Variants in EZR observed in about 807,000 individuals in gnomAD.
EZR encodes ezrin.
EZR carries 40 observed loss-of-function variants against 74.8 expected under a neutral mutation model. The ratio of observed to expected loss-of-function variants is 0.53; its 90% confidence interval spans 0.42 to 0.70. EZR has a LOEUF of 0.70. Among genes scored for constraint, EZR ranks in the 30% least tolerant of loss-of-function variants. The probability of loss-of-function intolerance (pLI) is 0.00; values close to 1 mark genes in which losing one functional copy is unlikely to be tolerated. For synonymous variants in EZR, 341 were observed against 283.3 expected, an observed-to-expected ratio of 1.20 and a Z score of -2.05; for missense variants, 678 against 755.8, an observed-to-expected ratio of 0.90 and a Z score of 1.21.
rs773540978 is a variant in EZR at position 158,766,937 on chromosome 6, T to C, written c.1738A>G (p.Ile580Val). The C allele has an allele frequency of 6.3e-5, 101 of 1,614,048 alleles. No individual in the cohort carries two copies. The highest frequency in any genetic ancestry group is 1.6e-4 in the Middle Eastern group (1 of 6,084). ...QIRQGNTKQRIDEFEAL is the reference protein window; with the variant it reads ...QIRQGNTKQRVDEFEAL ...TGTTACAGGGCCTCGAACTCGTCGA[T>C]GCGCTGCTTGGTGTTGCCCTGCCGG... The change falls in exon 14 of 14, where the codon ATC becomes GTC. Residue 580 changes from isoleucine (I) to valine (V), a missense_variant. Ile to Val is a conservative substitution (Grantham distance 29). Coordinates refer to ENST00000367075, the MANE Select transcript of EZR (RefSeq NM_001111077.2).
chr6:158,808,163 T>C (rs973689910), intron 2 of EZR, among the ~76,000 whole-genome samples: 1 of 152,144 alleles, frequency 6.6e-6, no homozygotes, highest in African/African-American at 2.4e-5. Flanking sequence ...AGCTAAGGAA[T>C]CCTAGTGGCC....
intron 8 of EZR, among the ~76,000 whole-genome samples, chr6:158,773,108 T>C (rs1583558171): frequency 6.6e-6 from 1 of 152,174 alleles, no homozygotes; most frequent in African/African-American, 2.4e-5. Flanking sequence ...CAATCCTGCA[T>C]TACAGCTTTG....
chr6:158,786,716 T>C (rs1418674855), intron 4 of EZR, among the ~76,000 whole-genome samples: 2 of 152,242 alleles, frequency 1.3e-5, no homozygotes, highest in African/African-American at 2.4e-5. Flanking sequence ...TTACTACTTT[T>C]CTTTTTGGTT....
Position 158,787,052 on chromosome 6 carries a change from C to G in EZR, c.192+56G>C. 5 of 1,383,588 alleles carry G rather than the reference C, an allele frequency of 3.6e-6. No homozygotes were observed. In the Admixed American group the frequency reaches 5.3e-5, roughly 15 times the overall value. 85.7% of individuals were successfully genotyped at this position (1,383,588 alleles called of 1,614,324 possible). On this transcript the variant is annotated intron_variant, in intron 4 of 13. Coordinates refer to ENST00000367075, the MANE Select transcript of EZR (RefSeq NM_001111077.2). Reference sequence around the variant, plus strand: ...GGGTGAGTTGCTCCAGTTTCCTTATCGATGAAGCAGACCAACACCCAATCC... The same window carrying G: ...GGGTGAGTTGCTCCAGTTTCCTTATGGATGAAGCAGACCAACACCCAATCC...
intron 7 of EZR, among the ~76,000 whole-genome samples, chr6:158,777,312 T>TCA (rs1791307665): frequency 6.6e-6 from 1 of 152,226 alleles, no homozygotes; most frequent in African/African-American, 2.4e-5. Context: ...TCTTCCCATG[T>TCA]CACTCTCCAA....
chr6:158,776,543 C>G, intron 7 of EZR, 39 bp from the exon 8 acceptor site: 1 of 1,424,588 alleles, frequency 7.0e-7, no homozygotes, highest in Non-Finnish European at 9.7e-7. Flanking sequence ...TAGATGTATA[C>G]ATATGTTCTT....
chr6:158,818,317 G>A (rs1777608772), intron 1 of EZR, 151 bp from the exon 2 acceptor site: 6 of 293,178 alleles, frequency 2.0e-5, no homozygotes, highest in Non-Finnish European at 3.1e-5. Context: ...CTGCGGGCAT[G>A]GGGAGGGGGC....
intron 3 of EZR, 45 bp downstream of exon 3, chr6:158,789,243 G>GTT: frequency 1.4e-6 from 2 of 1,435,810 alleles, no homozygotes; most frequent in African/African-American, 1.4e-5. Context: ...TTGCAAAACA[G>GTT]TTTTTTTTTG....
rs1374286360 is a variant in EZR, at chr6:158,766,309, AAAAC to A, written c.*601_*604del. The stretch of plus-strand genomic sequence containing the variant: ...CTAAAACTGTTAAGCAAAAAAAAAA[AAAAC>A]AAAAAAAAAAATCCAAGTGTCCTCC... On this transcript the variant is annotated 3_prime_UTR_variant, in exon 14 of 14. Transcript: ENST00000367075. The A allele has an allele frequency of 6.8e-4, 79 of 116,416 alleles. No homozygotes were observed. Among genetic ancestry groups the A allele is most frequent in the East Asian group, 1.4e-3 (7 of 5,062 alleles). The allele number at this position is 116,416 out of a possible 1,614,324, so 7.2% of individuals were successfully genotyped here.
chr6:158,818,059 G>A (rs780835190), intron 2 of EZR, 23 bp downstream of exon 2: 4 of 1,606,958 alleles, frequency 2.5e-6, no homozygotes, highest in Admixed American at 3.3e-5. Context: ...CCGTCCGCCC[G>A]GCCCAGAAAC....
At chr6:158,771,912 G>A (rs1791122892) in intron 8 of EZR, among the ~76,000 whole-genome samples, 1 of 152,040 alleles carries the variant, frequency 6.6e-6, no homozygotes, top group South Asian at 2.1e-4. Context: ...TGTCTCCTCT[G>A]CCACAGCCTC....
rs745866712 is a variant in EZR at position 158,818,066 on chromosome 6, A to G, written c.12+16T>C. 6.2e-7 allele frequency: 1 copy of G among 1,608,782 alleles called. No individual in the cohort carries two copies. The highest frequency in any genetic ancestry group is 1.7e-5 in the Admixed American group (1 of 59,826). ...AGCCTCTCCCGTCCGCCCGGCCCAGAAACTGGGCAACTTACTGGTTTCGGC... is the reference window on the plus strand; with the variant it reads ...AGCCTCTCCCGTCCGCCCGGCCCAGGAACTGGGCAACTTACTGGTTTCGGC... On this transcript the variant is annotated intron_variant, in intron 2 of 13. Coordinates refer to ENST00000367075, the MANE Select transcript of EZR (RefSeq NM_001111077.2).
intron 2 of EZR, among the ~76,000 whole-genome samples, chr6:158,817,240 C>G (rs1583594625): frequency 6.6e-6 from 1 of 152,158 alleles, no homozygotes; most frequent in Non-Finnish European, 1.5e-5. Context: ...TAAACCTTCC[C>G]CCTAATGTCT....
At chr6:158,818,270 C>T (rs773294712) in intron 1 of EZR, 104 bp from the exon 2 acceptor site, 1 of 510,028 alleles carries the variant, frequency 2.0e-6, no homozygotes, top group Non-Finnish European at 3.3e-6. Context: ...AAGAACCGGC[C>T]AGCCCGGGCC....
intron 6 of EZR, 50 bp from the exon 7 acceptor site, chr6:158,783,716 T>C (rs1054200077): frequency 6.3e-7 from 1 of 1,577,108 alleles, no homozygotes; most frequent in Non-Finnish European, 8.7e-7. Flanking sequence ...ACTCAATATC[T>C]AGAACAGTAA....
At chr6:158,802,871 T>C (rs560040118) in intron 2 of EZR, among the ~76,000 whole-genome samples, 2 of 152,128 alleles carry the variant, frequency 1.3e-5, no homozygotes, top group East Asian at 3.8e-4. Context: ...ACATGGTTTA[T>C]CCCTCGAATA....
chr6:158,777,803 G>A lies in EZR; in HGVS notation c.699-1299C>T, dbSNP rs115692275. 2.0e-3 allele frequency among the ~76,000 whole-genome samples: 299 copies of A among 152,190 alleles called. 1 individual carries two copies. The highest frequency in any genetic ancestry group is 6.9e-3 in the African/African-American group (287 of 41,514). ...GAATTAGCGCAGTCAGTCATGGTGT[G>A]CCTGCAGGAATGATGGCAGGACACT... On this transcript the variant is annotated intron_variant, in intron 7 of 13. Transcript: ENST00000367075.
At chr6:158,793,336 A>G (rs542623605) in intron 2 of EZR, among the ~76,000 whole-genome samples, 34 of 152,228 alleles carry the variant, frequency 2.2e-4, no homozygotes, top group African/African-American at 7.9e-4. Context: ...GTTAAAAGGA[A>G]TAATTTCCAG....
At chr6:158,817,903 C>T in intron 2 of EZR, 179 bp downstream of exon 2, 1 of 494,664 alleles carries the variant, frequency 2.0e-6, no homozygotes, top group Non-Finnish European at 3.6e-6. Flanking sequence ...GTTTTCCTAA[C>T]GCTCCACAAA....
Sources: allele counts gnomAD v4.1 joint callset (sites outside exome capture counted in the v4.1 genomes callset), GRCh38; gene constraint gnomAD v4.1.1; transcripts MANE v1.5; gene names NCBI Gene and HGNC (gene_info 2026-07-23, HGNC 2026-07-21).